Variants in CFAP47 observed in about 807,000 individuals in gnomAD.
The protein encoded by CFAP47 is cilia and flagella associated protein 47, also known as cilia- and flagella-associated protein 47.
In CFAP47, 29 loss-of-function variants were observed where a neutral mutation model predicts 148.1. The observed-to-expected ratio is 0.20, with a 90% CI of 0.15 to 0.27. The LOEUF is 0.27. CFAP47 is among the 10% of genes least tolerant of loss of function. The pLI is 1.00. For missense variants in CFAP47, 1,872 were observed against 1,697.5 expected, an observed-to-expected ratio of 1.10 and a Z score of -1.81; for synonymous variants, 664 against 577.3, an observed-to-expected ratio of 1.15 and a Z score of -2.15.
rs371891357 is a variant in CFAP47, at chrX:36,190,055, T to G, written c.6180T>G (p.Ile2060Met). The G allele has an allele frequency of 9.8e-5, 29 of 296,734 alleles. No individual in the cohort carries two copies. In the South Asian group the frequency reaches 1.2e-3, roughly 12 times the overall value. 24.5% of individuals were successfully genotyped at this position (296,734 alleles called of 1,213,427 possible). A position where few individuals can be genotyped will look rare whatever the true frequency, so the allele number is the denominator to read the frequency against. Residue 2060 changes from isoleucine (I) to methionine (M), a missense_variant, in exon 42 of 64, where the codon ATT (isoleucine) becomes ATG (methionine). By Grantham distance (10) the Ile-to-Met change is conservative (BLOSUM62 1). Transcript: ENST00000378653. The part of the protein sequence containing the change: ...SDSPNVLHTS[I>M]KSTFIREFFC... Reference sequence around the variant, plus strand: ...GCTCTGTTTATGTTTTGCTAGCAATTAAGTCCACTTTTATCAGAGAGTTCT... The same window carrying G: ...GCTCTGTTTATGTTTTGCTAGCAATGAAGTCCACTTTTATCAGAGAGTTCT...
At position 36,345,835 on chromosome X, in the gene CFAP47, A is replaced by G. The variant is rs782460673; in HGVS notation, c.8444-2294A>G. On this transcript the variant is annotated intron_variant, in intron 57 of 63. Coordinates refer to ENST00000378653, the MANE Select transcript of CFAP47 (RefSeq NM_001304548.2). ...ATATTAATTATTGATTATTATTAACAATGTTACTAGACCTTAGAATGTTTT... is the reference window on the plus strand; with the variant it reads ...ATATTAATTATTGATTATTATTAACGATGTTACTAGACCTTAGAATGTTTT... Among the ~76,000 whole-genome samples the G allele has an allele frequency of 2.9e-3, 327 of 111,937 alleles. 1 individual carries two copies. Among genetic ancestry groups the G allele is most frequent in the African/African-American group, 9.7e-3 (299 of 30,894 alleles).
At chrX:35,982,953 G>C (rs911073654) in intron 15 of CFAP47, among the ~76,000 whole-genome samples, 1 of 111,806 alleles carries the variant, frequency 8.9e-6, no homozygotes, top group East Asian at 2.8e-4. Context: ...TCTTTTTATG[G>C]TTCCATATGA....
At chrX:36,089,323 C>T (rs758383336) in intron 30 of CFAP47, among the ~76,000 whole-genome samples, 3 of 110,142 alleles carry the variant, frequency 2.7e-5, no homozygotes, top group Admixed American at 9.7e-5. Context: ...GAGCCAAGAT[C>T]GCACCACTGT....
At chrX:36,285,752 A>C (rs1211717636) in intron 51 of CFAP47, 26 bp downstream of exon 51, 1 of 1,103,608 alleles carries the variant, frequency 9.1e-7, no homozygotes, top group Non-Finnish European at 1.2e-6. Context: ...ATGTTCATAG[A>C]CTCTGTCATT....
intron 45 of CFAP47, among the ~76,000 whole-genome samples, chrX:36,208,151 C>T (rs1371163567): frequency 9.0e-6 from 1 of 111,381 alleles, no homozygotes; most frequent in Non-Finnish European, 1.9e-5. Context: ...GCACTGTTAT[C>T]CTTCTGTCCC....
chrX:36,300,075 A>C (rs1416445139), intron 52 of CFAP47, among the ~76,000 whole-genome samples: 3 of 111,468 alleles, frequency 2.7e-5, no homozygotes, highest in Non-Finnish European at 5.6e-5. Context: ...TACATTAAAA[A>C]AATTTTTGGC....
At chrX:36,105,733 C>T (rs754347927) in intron 33 of CFAP47, among the ~76,000 whole-genome samples, 1 of 112,048 alleles carries the variant, frequency 8.9e-6, no homozygotes, top group Non-Finnish European at 1.9e-5. Context: ...CTAAGGTGAA[C>T]TACACAAAAA....
intron 17 of CFAP47, 37 bp downstream of exon 17, chrX:35,991,980 G>T: frequency 3.4e-6 from 1 of 290,858 alleles, no homozygotes; most frequent in African/African-American, 2.7e-5. Flanking sequence ...ATTTGGATCA[G>T]ATGACATGGT....
At chrX:36,119,219 A>G (rs1158655019) in intron 33 of CFAP47, among the ~76,000 whole-genome samples, 2 of 111,791 alleles carry the variant, frequency 1.8e-5, no homozygotes, top group Admixed American at 9.5e-5. Flanking sequence ...TGTCATATGT[A>G]GCTGTTATTA....
intron 18 of CFAP47, among the ~76,000 whole-genome samples, chrX:35,996,070 A>C (rs1936843977): frequency 9.0e-6 from 1 of 110,814 alleles, no homozygotes; most frequent in African/African-American, 3.3e-5. Flanking sequence ...TCCAGGGTGT[A>C]GTTTAAGTCT....
intron 26 of CFAP47, among the ~76,000 whole-genome samples, chrX:36,063,653 C>T (rs1287484184): frequency 1.8e-5 from 2 of 111,664 alleles, no homozygotes; most frequent in Admixed American, 1.9e-4. Flanking sequence ...AGAAATATTT[C>T]AAGTGATAGT....
chrX:35,921,543 T>C (rs1436795492), intron 1 of CFAP47, among the ~76,000 whole-genome samples: 1 of 111,969 alleles, frequency 8.9e-6, no homozygotes, highest in Non-Finnish European at 1.9e-5. Flanking sequence ...GACACTTGTA[T>C]GGATGGTTTC....
intron 15 of CFAP47, among the ~76,000 whole-genome samples, chrX:35,988,342 TC>T (rs2146681499): frequency 8.9e-6 from 1 of 111,997 alleles, no homozygotes; most frequent in Admixed American, 9.4e-5. Context: ...TGATGGCACT[TC>T]CATAACCAGT....
chrX:36,189,142 G>T (rs1370801154), intron 41 of CFAP47, among the ~76,000 whole-genome samples: 1 of 111,382 alleles, frequency 9.0e-6, no homozygotes, highest in Non-Finnish European at 1.9e-5. Flanking sequence ...GTTATCTAGA[G>T]CTGTAGAACA....
intron 24 of CFAP47, 87 bp downstream of exon 24, chrX:36,035,941 GATT>G (rs2146722847): frequency 7.3e-6 from 2 of 274,239 alleles, no homozygotes; most frequent in African/African-American, 5.6e-5. Flanking sequence ...CAGAAATTTA[GATT>G]ATTTGTTATT....
At chrX:35,952,148 G>T (rs1485915448) in intron 6 of CFAP47, among the ~76,000 whole-genome samples, 185 bp downstream of exon 6, 1 of 111,850 alleles carries the variant, frequency 8.9e-6, no homozygotes, top group Non-Finnish European at 1.9e-5. Flanking sequence ...TTCTAAATAT[G>T]GTTCTAAATA....
intron 33 of CFAP47, among the ~76,000 whole-genome samples, chrX:36,130,481 G>A (rs1938927220): frequency 9.0e-6 from 1 of 111,234 alleles, no homozygotes; most frequent in South Asian, 3.7e-4. Flanking sequence ...TGGGGGGAAT[G>A]TAAATTAGTA....
At position 36,038,968 on chromosome X, in the gene CFAP47, A is replaced by T. The variant is rs1937369480; in HGVS notation, c.3812-16A>T. 1.8e-5 allele frequency: 16 copies of T among 880,790 alleles called. No homozygotes were observed. The highest frequency in any genetic ancestry group is 2.2e-5 in the Non-Finnish European group (15 of 668,252). 72.6% of individuals were successfully genotyped at this position (880,790 alleles called of 1,213,427 possible). A position where few individuals can be genotyped will look rare whatever the true frequency, so the allele number is the denominator to read the frequency against. ...TTAACTAATTTAAAATACCCTTAAA[A>T]TTTGTTTTTCATTAGATCGTCCTGG... On this transcript the variant is annotated splice_polypyrimidine_tract_variant and intron_variant, in intron 24 of 63. Transcript: ENST00000378653.
intron 15 of CFAP47, among the ~76,000 whole-genome samples, chrX:35,982,528 T>G (rs1165494345): frequency 1.8e-5 from 2 of 111,476 alleles, no homozygotes; most frequent in Admixed American, 1.9e-4. Context: ...TCATGAAATC[T>G]TTGCCAGGGC....
Sources: allele counts gnomAD v4.1 joint callset (sites outside exome capture counted in the v4.1 genomes callset), GRCh38; gene constraint gnomAD v4.1.1; transcripts MANE v1.5; gene names NCBI Gene and HGNC (gene_info 2026-07-23, HGNC 2026-07-21).